The following GTPBP4 variants were observed in gnomAD, a reference collection of about 807,000 sequenced individuals.
GTPBP4 encodes the protein GTP binding protein 4.
In GTPBP4, 15 loss-of-function variants were observed where a neutral mutation model predicts 81.7. The ratio of observed to expected loss-of-function variants is 0.18; its 90% CI spans 0.12 to 0.28. GTPBP4 has a LOEUF of 0.28. Among genes scored for constraint, GTPBP4 ranks in the 10% least tolerant of loss-of-function variants. The pLI, the probability that GTPBP4 is intolerant of heterozygous loss-of-function variation, is 1.00. For synonymous variants in GTPBP4, 272 were observed against 274.6 expected, an observed-to-expected ratio of 0.99 and a Z score of 0.09; for missense variants, 847 against 793.8, an observed-to-expected ratio of 1.07 and a Z score of -0.81.
intron 11 of GTPBP4, 48 bp from the exon 12 acceptor site, chr10:1,009,481 A>T: frequency 7.8e-7 from 1 of 1,282,230 alleles, no homozygotes; most frequent in Non-Finnish European, 1.1e-6. Flanking sequence ...GCATTTCTGG[A>T]TCTGAAAGGC....
intron 10 of GTPBP4, 123 bp from the exon 11 acceptor site, chr10:1,008,835 A>G: frequency 2.6e-6 from 2 of 770,830 alleles, no homozygotes; most frequent in South Asian, 1.4e-5. Flanking sequence ...TTGGTTGTTC[A>G]TTGGTCTGGG....
intron 5 of GTPBP4, among the ~76,000 whole-genome samples, chr10:998,696 G>A (rs1258620174): frequency 3.3e-5 from 5 of 152,244 alleles, no homozygotes. Flanking sequence ...GGTTTGGACA[G>A]TGCAGACAGA....
intron 14 of GTPBP4, 87 bp downstream of exon 14, chr10:1,012,749 C>T: frequency 1.2e-6 from 1 of 863,632 alleles, no homozygotes; most frequent in East Asian, 2.6e-5. Context: ...AACTTTTCAA[C>T]CCATTTATGG....
At chr10:991,862 A>C (rs1389260668) in intron 1 of GTPBP4, among the ~76,000 whole-genome samples, 1 of 147,506 alleles carries the variant, frequency 6.8e-6, no homozygotes, top group Non-Finnish European at 1.5e-5. Flanking sequence ...CGCCCGGCTA[A>C]TTTTTTGTAT....
chr10:1,010,706 G>T (rs1202972405), intron 13 of GTPBP4, among the ~76,000 whole-genome samples, 186 bp downstream of exon 13: 1 of 135,898 alleles, frequency 7.4e-6, no homozygotes, highest in Non-Finnish European at 1.6e-5. Context: ...CCCTGGCTGG[G>T]CTCTGCTATG....
In GTPBP4 at chr10:997,210, C is replaced by G; in HGVS notation, c.463C>G (p.Arg155Gly). 6.5e-7 allele frequency: 1 copy of G among 1,549,482 alleles called. No homozygotes were observed. The highest frequency in any genetic ancestry group is 1.1e-5 in the South Asian group (1 of 88,600). The change falls in exon 5 of 17, where the codon CGT becomes GGT. Residue 155 changes from arginine to glycine, a missense_variant and splice_region_variant. By Grantham distance (125) the Arg-to-Gly change is moderately radical. Coordinates refer to ENST00000360803, the MANE Select transcript of GTPBP4 (RefSeq NM_012341.3). Reference protein sequence around the residue: ...KQSLEYLEQVRQHLSRLPTID... With the variant: ...KQSLEYLEQVGQHLSRLPTID... Reference sequence around the variant, plus strand: ...TTTTCAATTTGAACTTTTCCTAGTGCGTCAGCATTTATCCCGTTTGCCAAC... The same window carrying G: ...TTTTCAATTTGAACTTTTCCTAGTGGGTCAGCATTTATCCCGTTTGCCAAC...
intron 1 of GTPBP4, 152 bp downstream of exon 1, chr10:988,679 T>C: frequency 1.6e-6 from 1 of 631,506 alleles, no homozygotes. Flanking sequence ...GTACTCGGGA[T>C]CATTTCCCCT....
At chr10:990,727 C>CA (rs35393314) in intron 1 of GTPBP4, among the ~76,000 whole-genome samples, 27 of 66,022 alleles carry the variant, frequency 4.1e-4, no homozygotes, top group African/African-American at 1.3e-3. Flanking sequence ...GACTCCATCT[C>CA]AAAAAAAAAA....
Position 1,019,713 on chromosome 10 carries a change from G to C in GTPBP4, c.*2486G>C, listed in dbSNP as rs752907841. On this transcript the variant is annotated 3_prime_UTR_variant, in exon 17 of 17. Transcript: ENST00000360803. ...GATGCTTTTCGTTTCACTGGGATCC[G>C]GGTTCAGAGTGACGTTTTTCCTCAC... 9.3e-6 allele frequency: 15 copies of C among 1,613,912 alleles called. No homozygotes were observed. Among genetic ancestry groups the C allele is most frequent in the Non-Finnish European group, 1.3e-5 (15 of 1,180,006 alleles).
At chr10:994,969 CTG>C (rs1831512866) in intron 2 of GTPBP4, among the ~76,000 whole-genome samples, 1 of 152,116 alleles carries the variant, frequency 6.6e-6, no homozygotes, top group Non-Finnish European at 1.5e-5. Flanking sequence ...TAGGGAGTAT[CTG>C]TGCGGGGAGA....
intron 1 of GTPBP4, 22 bp downstream of exon 1, chr10:988,549 A>C (rs547822012): frequency 1.3e-6 from 2 of 1,594,654 alleles, no homozygotes; most frequent in Non-Finnish European, 1.7e-6. Flanking sequence ...CGGGAGGGCC[A>C]CTGCAACTTT....
chr10:1,001,909 CT>C lies in GTPBP4; in HGVS notation c.912+906del, dbSNP rs1040689735. On this transcript the variant is annotated intron_variant, in intron 8 of 16. Transcript: ENST00000360803. The stretch of plus-strand genomic sequence containing the variant: ...CTGTAGATGTTTGGTCTACAGTGCA[CT>C]TTTTTTTTTATTTTATTTTTGTTTT... Among the ~76,000 whole-genome samples the C allele has an allele frequency of 4.7e-4, 67 of 143,674 alleles. 1 individual carries two copies. The highest frequency in any genetic ancestry group is 2.4e-3 in the Admixed American group (33 of 14,038). The allele number at this position is 143,674 out of a possible 152,430, so 94.3% of individuals were successfully genotyped here. A position where few individuals can be genotyped will look rare whatever the true frequency, so the allele number is the denominator to read the frequency against.
Position 1,015,869 on chromosome 10 carries a change from T to G in GTPBP4, c.1725T>G (p.Arg575=). The G allele has an allele frequency of 6.2e-7, 1 of 1,613,796 alleles. No homozygotes were observed. The highest frequency in any genetic ancestry group is 8.5e-7 in the Non-Finnish European group (1 of 1,179,744). The change falls in exon 16 of 17, where the codon CGT becomes CGG. Residue 575 remains arginine (R), a synonymous_variant. Coordinates refer to ENST00000360803, the MANE Select transcript of GTPBP4 (RefSeq NM_012341.3). The part of the protein sequence containing the change: ...ARSGSCSRTP[R]DVSGLRDVKM... Reference sequence around the variant, plus strand: ...GTGGGAGTTGCTCTCGAACTCCACGTGACGTTTCTGGTCTTAGGGATGTCA... The same window carrying G: ...GTGGGAGTTGCTCTCGAACTCCACGGGACGTTTCTGGTCTTAGGGATGTCA...
chr10:1,014,605 G>A (rs993550652), intron 15 of GTPBP4, among the ~76,000 whole-genome samples: 2 of 152,192 alleles, frequency 1.3e-5, no homozygotes, highest in African/African-American at 4.8e-5. Flanking sequence ...ATTGCAGTGA[G>A]CTGAGATCGT....
At position 1,008,895 on chromosome 10, in the gene GTPBP4, G is replaced by A. The variant is rs73590172; in HGVS notation, c.1114-63G>A. ...GTAGGGAATTTGTTTCTACTTTTTC[G>A]GCTTTGTAAGTTTCTCATTCAGCAG... On this transcript the variant is annotated intron_variant, in intron 10 of 16. Transcript: ENST00000360803. 3.6e-3 allele frequency: 4,476 copies of A among 1,238,822 alleles called. 115 individuals are homozygous for A. The African/African-American group carries it at 0.057, about 16-fold the overall frequency. 76.7% of individuals were successfully genotyped at this position (1,238,822 alleles called of 1,614,324 possible). A position where few individuals can be genotyped will look rare whatever the true frequency, so the allele number is the denominator to read the frequency against.
Position 992,570 on chromosome 10 carries a change from A to G in GTPBP4, c.130A>G (p.Arg44Gly). Residue 44 changes from arginine to glycine, a missense_variant, in exon 2 of 17, where the codon AGA becomes GGA. By Grantham distance (125) the Arg-to-Gly change is moderately radical. Coordinates refer to ENST00000360803, the MANE Select transcript of GTPBP4 (RefSeq NM_012341.3). ...IHKHYQIHRI[R>G]HFYMRKVKFT... ...TAAACATTACCAAATACATCGCATT[A>G]GACATTTTTACATGAGAAAAGTCAA... 1 of 1,595,512 alleles carries G rather than the reference A, an allele frequency of 6.3e-7. No individual in the cohort carries two copies. The highest frequency in any genetic ancestry group is 8.6e-7 in the Non-Finnish European group (1 of 1,163,244).
chr10:992,554 C>T lies in GTPBP4; in HGVS notation c.114C>T (p.Tyr38=), dbSNP rs1831464213. ...CTCCAACCGTTATTCATAAACATTA[C>T]CAAATACATCGCATTAGACATTTTT... ...RKTPTVIHKH[Y]QIHRIRHFYM... is the part of the protein sequence containing the mutation. Residue 38 remains tyrosine (Y), a synonymous_variant, in exon 2 of 17, where the codon TAC becomes TAT. Coordinates refer to ENST00000360803, the MANE Select transcript of GTPBP4 (RefSeq NM_012341.3). 1 of 1,599,948 alleles carries T rather than the reference C, an allele frequency of 6.3e-7. No individual in the cohort carries two copies. Among genetic ancestry groups the T allele is most frequent in the African/African-American group, 1.3e-5 (1 of 74,592 alleles).
intron 5 of GTPBP4, among the ~76,000 whole-genome samples, chr10:998,281 G>A (rs567449049): frequency 6.6e-6 from 1 of 151,994 alleles, no homozygotes; most frequent in African/African-American, 2.4e-5. Flanking sequence ...TTTATTTTTT[G>A]TGGAGATGGA....
intron 8 of GTPBP4, among the ~76,000 whole-genome samples, chr10:1,004,431 C>G (rs1018548454): frequency 1.3e-5 from 2 of 152,150 alleles, no homozygotes; most frequent in Non-Finnish European, 2.9e-5. Flanking sequence ...AGCCCCTGCC[C>G]TGTTTCCCTG....
Sources: gnomAD v4.1 joint callset for allele counts (sites outside exome capture counted in the v4.1 genomes callset) on GRCh38, gnomAD v4.1.1 for gene constraint, MANE v1.5 for transcripts, NCBI Gene and HGNC (gene_info 2026-07-23, HGNC 2026-07-21) for gene names.